The following DENND4C variants were observed in gnomAD, a reference collection of about 807,000 sequenced individuals.
DENND4C encodes DENN domain-containing protein 4C.
In DENND4C, 108 loss-of-function variants were observed where a neutral mutation model predicts 203.0. The observed-to-expected ratio is 0.53, with a 90% CI of 0.46 to 0.62. The LOEUF is 0.62. DENND4C is among the 20% of genes least tolerant of loss of function. The pLI, the probability that DENND4C is intolerant of heterozygous loss-of-function variation, is 0.00. For missense variants in DENND4C, 2,481 were observed against 2,301.2 expected (o/e 1.08, Z -1.60); for synonymous variants, 871 against 792.4 (o/e 1.10, Z -1.67).
At chr9:19,364,812 G>T (rs1827274724) in intron 30 of DENND4C, among the ~76,000 whole-genome samples, 1 of 152,200 alleles carries the variant, frequency 6.6e-6, no homozygotes, top group Admixed American at 6.5e-5. Flanking sequence ...GGAGAATCAG[G>T]GAGGCCTGGG....
rs1843370247 is a variant in DENND4C, at chr9:19,324,365, T to C, written c.1811T>C (p.Phe604Ser). 6.3e-7 allele frequency: 1 copy of C among 1,583,208 alleles called. No homozygotes were observed. The highest frequency in any genetic ancestry group is 1.2e-5 in the South Asian group (1 of 85,410). Residue 604 changes from phenylalanine (F) to serine (S), a missense_variant, in exon 13 of 33, where the codon TTT (phenylalanine) becomes TCT (serine). Transcript: ENST00000434457. ...AATTATATTTTGTTTTCCTCAGGAT[T>C]TTTAAAAAGTCGAGATCGTGCCTAT... ...AADSLFDRQG[F>S]LKSRDRAYAK... is the part of the protein sequence containing the mutation.
At chr9:19,326,901 T>C (rs2131704336) in intron 15 of DENND4C, among the ~76,000 whole-genome samples, 1 of 152,242 alleles carries the variant, frequency 6.6e-6, no homozygotes, top group South Asian at 2.1e-4. Context: ...TTGTATGCAT[T>C]TATTATGATT....
chr9:19,275,188 G>C (rs1162881250), intron 1 of DENND4C, among the ~76,000 whole-genome samples: 1 of 151,642 alleles, frequency 6.6e-6, no homozygotes, highest in Non-Finnish European at 1.5e-5. Context: ...ATGTTAGCCA[G>C]GCTGGTGTCA....
chr9:19,353,687 C>T (rs1824702101), intron 26 of DENND4C, among the ~76,000 whole-genome samples: 5 of 151,924 alleles, frequency 3.3e-5, no homozygotes, highest in Admixed American at 3.3e-4. Context: ...AATCCCAGTA[C>T]TTTGGGAGGC....
intron 12 of DENND4C, among the ~76,000 whole-genome samples, chr9:19,318,110 C>T (rs1455223290): frequency 3.3e-5 from 5 of 152,074 alleles, no homozygotes; most frequent in East Asian, 1.9e-4. Flanking sequence ...CCTGAGGTTA[C>T]GAGTTCGAGA....
At chr9:19,238,769 T>C (rs930613885) in intron 1 of DENND4C, among the ~76,000 whole-genome samples, 6 of 147,108 alleles carry the variant, frequency 4.1e-5, no homozygotes, top group African/African-American at 1.5e-4. Flanking sequence ...TTCTCCTGCC[T>C]CAGCCTCCTA....
intron 12 of DENND4C, among the ~76,000 whole-genome samples, chr9:19,323,544 T>TG (rs1259684089): frequency 6.6e-6 from 1 of 152,138 alleles, no homozygotes; most frequent in Non-Finnish European, 1.5e-5. Flanking sequence ...TTGAATCAGA[T>TG]GCCTTGGTCT....
chr9:19,258,718 G>C (rs759713754), intron 1 of DENND4C, among the ~76,000 whole-genome samples: 1 of 151,872 alleles, frequency 6.6e-6, no homozygotes, highest in Non-Finnish European at 1.5e-5. Context: ...GCAGTGGCGT[G>C]ATCTCGGCTC....
At chr9:19,262,520 C>T (rs1189534429) in intron 1 of DENND4C, among the ~76,000 whole-genome samples, 1 of 151,132 alleles carries the variant, frequency 6.6e-6, no homozygotes, top group African/African-American at 2.5e-5. Context: ...CAACCCCCAC[C>T]TCCCAGGTTC....
intron 27 of DENND4C, 100 bp from the exon 28 acceptor site, chr9:19,357,865 T>C: frequency 2.1e-6 from 2 of 935,254 alleles, no homozygotes; most frequent in Non-Finnish European, 3.1e-6. Context: ...CTTAGATATA[T>C]TTAGTAGACT....
At chr9:19,248,213 A>G (rs1468858057) in intron 1 of DENND4C, among the ~76,000 whole-genome samples, 1 of 152,088 alleles carries the variant, frequency 6.6e-6, no homozygotes, top group African/African-American at 2.4e-5. Context: ...CACTGACCTC[A>G]TCTCCTACTA....
intron 10 of DENND4C, among the ~76,000 whole-genome samples, chr9:19,308,046 C>G (rs10964091): frequency 1.3e-5 from 2 of 151,854 alleles, no homozygotes; most frequent in African/African-American, 2.4e-5. Context: ...TACTTTTTTG[C>G]TCACCATTCT....
chr9:19,354,399 G>A (rs781571142), intron 26 of DENND4C, among the ~76,000 whole-genome samples: 5 of 151,956 alleles, frequency 3.3e-5, no homozygotes, highest in Admixed American at 6.6e-5. Context: ...CTTCCTAGAC[G>A]GCTGCACTCC....
At chr9:19,361,671 T>G (rs1435391627) in intron 29 of DENND4C, among the ~76,000 whole-genome samples, 175 bp from the exon 30 acceptor site, 1 of 152,188 alleles carries the variant, frequency 6.6e-6, no homozygotes, top group Admixed American at 6.5e-5. Flanking sequence ...AACCTTGACC[T>G]CAGAAAATAA....
intron 29 of DENND4C, among the ~76,000 whole-genome samples, chr9:19,361,160 G>T (rs941799172): frequency 1.9e-4 from 29 of 152,182 alleles, no homozygotes; most frequent in African/African-American, 6.5e-4. Flanking sequence ...ACTGTGCCCG[G>T]CTGGTAGCTA....
chr9:19,331,463 A>G (rs1282962224), intron 16 of DENND4C, among the ~76,000 whole-genome samples: 1 of 152,152 alleles, frequency 6.6e-6, no homozygotes, highest in Non-Finnish European at 1.5e-5. Context: ...GGCCTCCCAA[A>G]GTGCTAGGAT....
At chr9:19,241,605 A>G (rs1479697958) in intron 1 of DENND4C, among the ~76,000 whole-genome samples, 1 of 151,864 alleles carries the variant, frequency 6.6e-6, no homozygotes, top group Non-Finnish European at 1.5e-5. Context: ...AGGATTATCA[A>G]TATCAGTGTC....
chr9:19,359,973 A>T (rs1826130791), intron 28 of DENND4C, among the ~76,000 whole-genome samples: 1 of 152,196 alleles, frequency 6.6e-6, no homozygotes, highest in South Asian at 2.1e-4. Flanking sequence ...ATTGAAAAAA[A>T]CCTAATACAT....
intron 21 of DENND4C, among the ~76,000 whole-genome samples, 180 bp downstream of exon 21, chr9:19,341,294 G>C (rs796135711): frequency 8.7e-5 from 13 of 149,702 alleles, no homozygotes; most frequent in African/African-American, 3.2e-4. Context: ...TAAAATTTAA[G>C]AGAACTTTCT....
Sources: allele counts gnomAD v4.1 joint callset (sites outside exome capture counted in the v4.1 genomes callset), GRCh38; gene constraint gnomAD v4.1.1; transcripts MANE v1.5; gene names NCBI Gene and HGNC (gene_info 2026-07-23, HGNC 2026-07-21).